AGAP1: variants seen among roughly 807,000 people sequenced by gnomAD.
The protein encoded by AGAP1 is arf-GAP with GTPase, ANK repeat and PH domain-containing protein 1.
AGAP1 carries 29 observed loss-of-function variants against 105.3 expected under a neutral mutation model. That is an observed-to-expected ratio of 0.28 (90% confidence interval 0.21 to 0.38). The LOEUF (loss-of-function observed/expected upper bound fraction) is 0.38. Ranked by LOEUF, AGAP1 falls within the 10% of genes least tolerant of loss-of-function variation. The probability of loss-of-function intolerance (pLI) is 1.00; values close to 1 mark genes in which losing one functional copy is unlikely to be tolerated. For synonymous variants in AGAP1, 509 were observed against 485.9 expected, an observed-to-expected ratio of 1.05 and a Z score of -0.63; for missense variants, 998 against 1,165.1, an observed-to-expected ratio of 0.86 and a Z score of 2.09.
Position 235,787,320 on chromosome 2 carries a change from T to G in AGAP1, c.674-10439T>G, listed in dbSNP as rs1956706190. On this transcript the variant is annotated intron_variant, in intron 6 of 17. Coordinates refer to ENST00000304032, the MANE Select transcript of AGAP1 (RefSeq NM_001037131.3). This position sits in a 1 kb window ranked among gnomAD's most constrained non-coding sequence, Gnocchi z 4.4. ...CACTTTCTAATGTTTCATTCATCTA[T>G]CTGAGTTTTTCCTGCTTTAAGTGCC... Among the ~76,000 whole-genome samples the G allele has an allele frequency of 1.3e-5, 2 of 152,246 alleles. No individual in the cohort carries two copies. The highest frequency in any genetic ancestry group is 4.8e-5 in the African/African-American group (2 of 41,468).
intron 1 of AGAP1, chr2:235,507,496 C>A (rs1238925454): frequency 6.6e-6 from 1 of 152,226 alleles, no homozygotes; most frequent in Admixed American, 6.5e-5. Context: ...CCAGAAATTT[C>A]TATGGAACAT....
intron 3 of AGAP1, among the ~76,000 whole-genome samples, chr2:235,718,731 C>T (rs1951240114): frequency 6.6e-6 from 1 of 152,150 alleles, no homozygotes. Context: ...ACACCTCATG[C>T]ATCAGGAAGA....
At chr2:235,895,699 TTGGATGGATGGATGGATGGATGGATGGA>T (rs113317282) in intron 10 of AGAP1, among the ~76,000 whole-genome samples, 27 of 119,014 alleles carry the variant, frequency 2.3e-4, no homozygotes, top group South Asian at 2.5e-4. Context: ...CACTGGCTTG[TTGGATGGATGGATGGATGGATGGATGGA>T]TGGATGGATG....
chr2:235,592,128 G>C (rs960996605), intron 1 of AGAP1, among the ~76,000 whole-genome samples: 1 of 152,232 alleles, frequency 6.6e-6, no homozygotes, highest in Non-Finnish European at 1.5e-5. Context: ...GGCTTGCCTG[G>C]ACAGCGCCCT....
At chr2:236,031,097 A>G (rs1334916434) in intron 13 of AGAP1, among the ~76,000 whole-genome samples, 1 of 152,248 alleles carries the variant, frequency 6.6e-6, no homozygotes, top group East Asian at 1.9e-4. Flanking sequence ...TTTGAGAAAC[A>G]TCCACAGGCA....
chr2:235,762,347 T>G (rs6718263), intron 6 of AGAP1, among the ~76,000 whole-genome samples: 42,548 of 152,014 alleles, frequency 0.28, 6,266 homozygotes, highest in Admixed American at 0.41. Context: ...TCCTTGTAGG[T>G]TGAGCCTGGC....
chr2:235,759,625 G>A (rs1051183163), intron 6 of AGAP1, among the ~76,000 whole-genome samples: 2 of 152,214 alleles, frequency 1.3e-5, no homozygotes, highest in Non-Finnish European at 2.9e-5. Flanking sequence ...CAGCCTGTTG[G>A]TGGGGGCGCA....
At chr2:235,757,726 C>T (rs1383086600) in intron 6 of AGAP1, among the ~76,000 whole-genome samples, 1 of 152,116 alleles carries the variant, frequency 6.6e-6, no homozygotes, top group Non-Finnish European at 1.5e-5. Flanking sequence ...GTCAGGGAGC[C>T]TCGGTGTGCT....
rs1944016143 is a variant in AGAP1 at position 235,557,702 on chromosome 2, C to T, written c.163+62853C>T. On this transcript the variant is annotated intron_variant, in intron 1 of 17. Coordinates refer to ENST00000304032, the MANE Select transcript of AGAP1 (RefSeq NM_001037131.3). The surrounding 1 kb of genome is among the most constrained non-coding windows in gnomAD (Gnocchi z 4.7). ...GGGTCGAGGAACTTGCTGTGGTACA[C>T]CCAGACAGCCTGACCCCAGAGTGGG... Among the ~76,000 whole-genome samples the T allele has an allele frequency of 1.3e-5, 2 of 152,142 alleles. No individual in the cohort carries two copies.
Position 235,712,805 on chromosome 2 carries a change from C to A in AGAP1, c.222+3568C>A, listed in dbSNP as rs192597192. Among the ~76,000 whole-genome samples the A allele has an allele frequency of 1.3e-5, 2 of 152,218 alleles. No individual in the cohort carries two copies. Among genetic ancestry groups the A allele is most frequent in the Non-Finnish European group, 1.5e-5 (1 of 68,034 alleles). On this transcript the variant is annotated intron_variant, in intron 2 of 17. Coordinates refer to ENST00000304032, the MANE Select transcript of AGAP1 (RefSeq NM_001037131.3). The surrounding 1 kb of genome is among the most constrained non-coding windows in gnomAD (Gnocchi z 6.0). ...TTCCTCCTCATGTAGCTCTTTGGCT[C>A]GCTCTGGATTGATTTCCTCCGTCTT...
chr2:236,002,297 C>T lies in AGAP1; in HGVS notation c.1645+33674C>T, dbSNP rs936450284. Among the ~76,000 whole-genome samples, 1 of 152,224 alleles carries T rather than the reference C, an allele frequency of 6.6e-6. No homozygotes were observed. Among genetic ancestry groups the T allele is most frequent in the East Asian group, 1.9e-4 (1 of 5,188 alleles). ...AGCCCAGGAGGCTCCTGGTCCCGTC[C>T]TGGAACAGCCGGTGACTCAAAGCTC... is the stretch of plus-strand genomic sequence containing the variant. On this transcript the variant is annotated intron_variant, in intron 13 of 17. Transcript: ENST00000304032. This position sits in a 1 kb window ranked among gnomAD's most constrained non-coding sequence, Gnocchi z 4.3.
At position 236,124,457 on chromosome 2, in the gene AGAP1, A is replaced by G. The variant is rs2059972320; in HGVS notation, c.*335A>G. The G allele has an allele frequency of 1.2e-5, 4 of 325,130 alleles. No individual in the cohort carries two copies. The highest frequency in any genetic ancestry group is 2.3e-5 in the Non-Finnish European group (4 of 173,480). 20.1% of individuals were successfully genotyped at this position (325,130 alleles called of 1,614,324 possible). Reference sequence around the variant, plus strand: ...CACAAGGGATGGGGACGCGAGGGGGAGGGGAGGCGAGGAACAAGGAGAAGG... The same window carrying G: ...CACAAGGGATGGGGACGCGAGGGGGGGGGGAGGCGAGGAACAAGGAGAAGG... On this transcript the variant is annotated 3_prime_UTR_variant, in exon 18 of 18. Coordinates refer to ENST00000304032, the MANE Select transcript of AGAP1 (RefSeq NM_001037131.3). This position sits in a 1 kb window ranked among gnomAD's most constrained non-coding sequence, Gnocchi z 5.1.
Position 235,740,694 on chromosome 2 carries a change from A to G in AGAP1, c.311-269A>G, listed in dbSNP as rs1355039213. On this transcript the variant is annotated intron_variant, in intron 3 of 17. Transcript: ENST00000304032. This position sits in a 1 kb window ranked among gnomAD's most constrained non-coding sequence, Gnocchi z 5.7. ...TGAATTTACATAGAAAGCCCACATG[A>G]GAAGTCCACACTAATTGGCCACGAG... 6.6e-6 allele frequency among the ~76,000 whole-genome samples: 1 copy of G among 152,266 alleles called. No homozygotes were observed. Among genetic ancestry groups the G allele is most frequent in the East Asian group, 1.9e-4 (1 of 5,200 alleles).
chr2:235,783,474 C>T (rs571215477), intron 6 of AGAP1: 178 of 447,592 alleles, frequency 4.0e-4, no homozygotes, highest in South Asian at 2.3e-3. Context: ...AAGCAGAGGA[C>T]GGACTGCTGT....
chr2:236,024,396 G>A (rs2056986418), intron 13 of AGAP1, among the ~76,000 whole-genome samples: 1 of 151,994 alleles, frequency 6.6e-6, no homozygotes, highest in Non-Finnish European at 1.5e-5. Context: ...AGGTCCTCTT[G>A]GCCTTTGCAA....
At chr2:235,743,407 GCTCCT>G (rs1417543291) in intron 4 of AGAP1, among the ~76,000 whole-genome samples, 2 of 152,066 alleles carry the variant, frequency 1.3e-5, no homozygotes, top group East Asian at 3.9e-4. Flanking sequence ...GTGGGAGTCT[GCTCCT>G]CCTGCTTTCT....
Position 236,124,246 on chromosome 2 carries a change from C to G in AGAP1, c.*124C>G, listed in dbSNP as rs1184228551. ...CCCTCTTCCTGGTGGCCACCTCCCT[C>G]CCGCCCACCCACTCTCACCCCAAAC... On this transcript the variant is annotated 3_prime_UTR_variant, in exon 18 of 18. Transcript: ENST00000304032. This position sits in a 1 kb window ranked among gnomAD's most constrained non-coding sequence, Gnocchi z 5.1. 1.9e-6 allele frequency: 2 copies of G among 1,081,038 alleles called. No homozygotes were observed. The highest frequency in any genetic ancestry group is 3.2e-5 in the African/African-American group (2 of 62,772). The allele number at this position is 1,081,038 out of a possible 1,614,324, so 67.0% of individuals were successfully genotyped here. A position where few individuals can be genotyped will look rare whatever the true frequency, so the allele number is the denominator to read the frequency against.
intron 3 of AGAP1, among the ~76,000 whole-genome samples, chr2:235,731,848 A>C (rs2149612345): frequency 6.6e-6 from 1 of 152,262 alleles, no homozygotes; most frequent in African/African-American, 2.4e-5. Context: ...GCAGGCTCTA[A>C]GGAACAAAAA....
intron 6 of AGAP1, among the ~76,000 whole-genome samples, chr2:235,782,436 TTACA>T (rs1285852384): frequency 6.6e-6 from 1 of 152,254 alleles, no homozygotes; most frequent in African/African-American, 2.4e-5. Flanking sequence ...TGCCTTTTAC[TTACA>T]TATCTCATCC....
Sources: gnomAD v4.1 joint callset for allele counts (sites outside exome capture counted in the v4.1 genomes callset) on GRCh38, gnomAD v4.1.1 for gene constraint, Gnocchi (gnomAD v3.1) non-coding constraint, MANE v1.5 for transcripts, NCBI Gene and HGNC (gene_info 2026-07-23, HGNC 2026-07-21) for gene names.